NDUFAF8: variants seen among roughly 807,000 people sequenced by gnomAD.
The protein encoded by NDUFAF8 is NADH:ubiquinone oxidoreductase complex assembly factor 8.
In NDUFAF8, 9 loss-of-function variants were observed where a neutral mutation model predicts 9.9. That is an observed-to-expected ratio of 0.91 (90% CI 0.55 to 1.59). The LOEUF (loss-of-function observed/expected upper bound fraction) is 1.59. NDUFAF8 is among the 40% of genes most tolerant of loss of function. The probability of loss-of-function intolerance (pLI) is 0.00; values close to 1 mark genes in which losing one functional copy is unlikely to be tolerated. For synonymous variants in NDUFAF8, 63 were observed against 51.2 expected, an observed-to-expected ratio of 1.23 and a Z score of -0.98; for missense variants, 114 against 113.8, an observed-to-expected ratio of 1.00 and a Z score of -0.01.
intron 2 of NDUFAF8, among the ~76,000 whole-genome samples, chr17:81,240,773 T>C (rs1378607867): frequency 1.3e-5 from 2 of 151,898 alleles, no homozygotes; most frequent in Non-Finnish European, 2.9e-5. Context: ...GTGAGTTCTG[T>C]GATAGTGTCA....
chr17:81,239,916 G>T, intron 2 of NDUFAF8: 1 of 586,774 alleles, frequency 1.7e-6, no homozygotes. Context: ...GATGGGAGAT[G>T]TGTGCAAAAA....
chr17:81,240,779 T>C (rs1440585289), intron 2 of NDUFAF8, among the ~76,000 whole-genome samples: 2 of 151,856 alleles, frequency 1.3e-5, no homozygotes, highest in Non-Finnish European at 2.9e-5. Context: ...TCTGTGATAG[T>C]GTCATGAGGC....
chr17:81,239,786 C>G (rs1420740929), intron 2 of NDUFAF8, 108 bp downstream of exon 2: 17 of 1,220,248 alleles, frequency 1.4e-5, no homozygotes, highest in Non-Finnish European at 1.8e-5. Flanking sequence ...GAGCGCCTGC[C>G]GCGTGCTTTA....
rs2146862098 is a variant in NDUFAF8 at position 81,239,802 on chromosome 17, C to G, written c.195+124C>G. On this transcript the variant is annotated intron_variant, in intron 2 of 2. Coordinates refer to ENST00000431388, the MANE Select transcript of NDUFAF8 (RefSeq NM_001086521.2). The stretch of plus-strand genomic sequence containing the variant: ...AGCGCCTGCCGCGTGCTTTAGACGC[C>G]GGCTGACAAAATCACCGAGCCATCG... The G allele has an allele frequency of 3.8e-6, 4 of 1,065,412 alleles. No homozygotes were observed. The South Asian group carries it at 4.6e-5, about 12-fold the overall frequency. The allele number at this position is 1,065,412 out of a possible 1,614,324, so 66.0% of individuals were successfully genotyped here.
At position 81,239,375 on chromosome 17, in the gene NDUFAF8, C is replaced by A; in HGVS notation, c.12C>A (p.Asn4Lys). ...GGGAATAGCCGCTCATGTCGGCTAA[C>A]GGAGCGGTGTGGGGCCGCGTGCGAA... is the stretch of plus-strand genomic sequence containing the variant. MSA[N>K]GAVWGRVRSR... The change falls in exon 1 of 3, where the codon AAC (asparagine) becomes AAA (lysine). Residue 4 changes from asparagine (N) to lysine (K), a missense_variant. By Grantham distance (94) the Asn-to-Lys change is moderately conservative. Transcript: ENST00000431388. The A allele has an allele frequency of 1.5e-6, 2 of 1,365,488 alleles. No individual in the cohort carries two copies. The highest frequency in any genetic ancestry group is 1.9e-6 in the Non-Finnish European group (2 of 1,058,548). 84.6% of individuals were successfully genotyped at this position (1,365,488 alleles called of 1,614,324 possible).
At position 81,239,618 on chromosome 17, in the gene NDUFAF8, C is replaced by T; in HGVS notation, c.135C>T (p.Arg45=). The T allele has an allele frequency of 6.5e-7, 1 of 1,539,854 alleles. No homozygotes were observed. Residue 45 remains arginine (R), a synonymous_variant, in exon 2 of 3, where the codon CGC becomes CGT. Transcript: ENST00000431388. The part of the protein sequence containing the change: ...CVQASTAPGG[R]LSKDFCAREF... ...AGGCCTCCACGGCCCCGGGCGGCCGCCTGAGTAAGGACTTCTGCGCGCGGG... is the reference window on the plus strand; with the variant it reads ...AGGCCTCCACGGCCCCGGGCGGCCGTCTGAGTAAGGACTTCTGCGCGCGGG...
rs767893800 is a variant in NDUFAF8, at chr17:81,239,435, C to T, written c.72C>T (p.Ala24=). The part of the protein sequence containing the change: ...RLRAFPERLA[A]CGAEAAAYGR... ...GCGCCTTCCCCGAGCGGCTGGCCGCCTGCGGGGCCGAGGTGAGGAGCCGCG... is the reference window on the plus strand; with the variant it reads ...GCGCCTTCCCCGAGCGGCTGGCCGCTTGCGGGGCCGAGGTGAGGAGCCGCG... The change falls in exon 1 of 3, where the codon GCC becomes GCT. Residue 24 remains alanine (A), a synonymous_variant. Coordinates refer to ENST00000431388, the MANE Select transcript of NDUFAF8 (RefSeq NM_001086521.2). 1,110 of 1,360,956 alleles carry T rather than the reference C, an allele frequency of 8.2e-4. 1 individual carries two copies. The highest frequency in any genetic ancestry group is 9.8e-4 in the Non-Finnish European group (1,032 of 1,057,406). 84.3% of individuals were successfully genotyped at this position (1,360,956 alleles called of 1,614,324 possible).
chr17:81,239,986 A>G, intron 2 of NDUFAF8: 1 of 444,364 alleles, frequency 2.3e-6, no homozygotes, highest in Non-Finnish European at 4.1e-6. Context: ...GTGTCATGCC[A>G]GGATTGACCC....
rs1004497880 is a variant in NDUFAF8 at position 81,239,376 on chromosome 17, G to C, written c.13G>C (p.Gly5Arg). The C allele has an allele frequency of 7.3e-7, 1 of 1,365,406 alleles. No individual in the cohort carries two copies. The highest frequency in any genetic ancestry group is 1.8e-5 in the South Asian group (1 of 54,890). The allele number at this position is 1,365,406 out of a possible 1,614,324, so 84.6% of individuals were successfully genotyped here. Residue 5 changes from glycine (G) to arginine (R), a missense_variant, in exon 1 of 3, where the codon GGA becomes CGA. Gly to Arg is a moderately radical substitution (Grantham distance 125). Transcript: ENST00000431388. ...GGAATAGCCGCTCATGTCGGCTAAC[G>C]GAGCGGTGTGGGGCCGCGTGCGAAG... MSAN[G>R]AVWGRVRSRL...
rs1167176020 is a variant in NDUFAF8, at chr17:81,239,630, C to T, written c.147C>T (p.Asp49=). The stretch of plus-strand genomic sequence containing the variant: ...CCCCGGGCGGCCGCCTGAGTAAGGA[C>T]TTCTGCGCGCGGGAGTTCGAGGCCC... ...STAPGGRLSK[D]FCAREFEALR... The change falls in exon 2 of 3, where the codon GAC becomes GAT. Residue 49 remains aspartate (D), a synonymous_variant. Coordinates refer to ENST00000431388, the MANE Select transcript of NDUFAF8 (RefSeq NM_001086521.2). The T allele has an allele frequency of 2.6e-6, 4 of 1,540,506 alleles. No homozygotes were observed. The highest frequency in any genetic ancestry group is 2.4e-5 in the East Asian group (1 of 40,902).
Position 81,239,626 on chromosome 17 carries a change from AG to A in NDUFAF8, c.145del (p.Asp49ThrfsTer56). 6.5e-7 allele frequency: 1 copy of A among 1,540,388 alleles called. No individual in the cohort carries two copies. The highest frequency in any genetic ancestry group is 2.0e-4 in the Middle Eastern group (1 of 5,106). Reference protein sequence around the residue: ...ASTAPGGRLSKDFCAREFEAL... With the variant: ...ASTAPGGRLSXDFCAREFEAL... ...ACGGCCCCGGGCGGCCGCCTGAGTA[AG>A]GACTTCTGCGCGCGGGAGTTCGAGG... On this transcript the variant is annotated frameshift_variant, in exon 2 of 3. Transcript: ENST00000431388. LOFTEE classifies it high-confidence loss of function.
At position 81,241,257 on chromosome 17, in the gene NDUFAF8, G is replaced by A. The variant is rs2062815466; in HGVS notation, c.*241G>A. The stretch of plus-strand genomic sequence containing the variant: ...TAGAATAAGATGTAACGGAAGCCAC[G>A]ATAAAGACTCGGTCAAATCCTGCAG... On this transcript the variant is annotated 3_prime_UTR_variant, in exon 3 of 3. Transcript: ENST00000431388. 7 of 1,215,830 alleles carry A rather than the reference G, an allele frequency of 5.8e-6. No homozygotes were observed. The South Asian group carries it at 8.5e-5, about 15-fold the overall frequency. The allele number at this position is 1,215,830 out of a possible 1,614,324, so 75.3% of individuals were successfully genotyped here. A position where few individuals can be genotyped will look rare whatever the true frequency, so the allele number is the denominator to read the frequency against.
At chr17:81,240,031 C>T (rs2062799653) in intron 2 of NDUFAF8, 1 of 327,512 alleles carries the variant, frequency 3.1e-6, no homozygotes, top group Admixed American at 4.9e-5. Flanking sequence ...CAGCACCTTC[C>T]GGGTCTTCAC....
chr17:81,239,385 T>G lies in NDUFAF8; in HGVS notation c.22T>G (p.Trp8Gly). 1 of 1,370,012 alleles carries G rather than the reference T, an allele frequency of 7.3e-7. No homozygotes were observed. Among genetic ancestry groups the G allele is most frequent in the Non-Finnish European group, 9.4e-7 (1 of 1,061,084 alleles). The allele number at this position is 1,370,012 out of a possible 1,614,324, so 84.9% of individuals were successfully genotyped here. Residue 8 changes from tryptophan (W) to glycine (G), a missense_variant, in exon 1 of 3, where the codon TGG becomes GGG. Transcript: ENST00000431388. MSANGAVWGRVRSRLRAF... is the reference protein window; with the variant it reads MSANGAVGGRVRSRLRAF... ...GCTCATGTCGGCTAACGGAGCGGTGTGGGGCCGCGTGCGAAGCCGCCTCCG... is the reference window on the plus strand; with the variant it reads ...GCTCATGTCGGCTAACGGAGCGGTGGGGGGCCGCGTGCGAAGCCGCCTCCG...
Position 81,239,430 on chromosome 17 carries a change from G to A in NDUFAF8, c.67G>A (p.Ala23Thr). The change falls in exon 1 of 3, where the codon GCC (alanine) becomes ACC (threonine). Residue 23 changes from alanine to threonine, a missense_variant. Transcript: ENST00000431388. Reference protein sequence around the residue: ...SRLRAFPERLAACGAEAAAYG... With the variant: ...SRLRAFPERLTACGAEAAAYG... ...CCTCCGCGCCTTCCCCGAGCGGCTGGCCGCCTGCGGGGCCGAGGTGAGGAG... is the reference window on the plus strand; with the variant it reads ...CCTCCGCGCCTTCCCCGAGCGGCTGACCGCCTGCGGGGCCGAGGTGAGGAG... The A allele has an allele frequency of 1.5e-6, 2 of 1,361,048 alleles. No homozygotes were observed. The highest frequency in any genetic ancestry group is 9.5e-7 in the Non-Finnish European group (1 of 1,057,194). 84.3% of individuals were successfully genotyped at this position (1,361,048 alleles called of 1,614,324 possible). A position where few individuals can be genotyped will look rare whatever the true frequency, so the allele number is the denominator to read the frequency against.
rs1195736852 is a variant in NDUFAF8 at position 81,239,543 on chromosome 17, C to A, written c.85-25C>A. Reference sequence around the variant, plus strand: ...ACGGTGACGGGGTCAGGGGACCCCACGACCCACGCCCGTCCTTTCCGCAGG... The same window carrying A: ...ACGGTGACGGGGTCAGGGGACCCCAAGACCCACGCCCGTCCTTTCCGCAGG... On this transcript the variant is annotated intron_variant, in intron 1 of 2. Transcript: ENST00000431388. The A allele has an allele frequency of 2.7e-6, 4 of 1,499,742 alleles. No homozygotes were observed. In the East Asian group the frequency reaches 1.1e-4, roughly 40 times the overall value. The allele number at this position is 1,499,742 out of a possible 1,614,324, so 92.9% of individuals were successfully genotyped here. A position where few individuals can be genotyped will look rare whatever the true frequency, so the allele number is the denominator to read the frequency against.
At position 81,239,884 on chromosome 17, in the gene NDUFAF8, G is replaced by A. The variant is rs1424704693; in HGVS notation, c.195+206G>A. On this transcript the variant is annotated intron_variant, in intron 2 of 2. Coordinates refer to ENST00000431388, the MANE Select transcript of NDUFAF8 (RefSeq NM_001086521.2). ...TTGTCCCTGCATGTTTGTAAAGCGGGACTGGCACCAACCTCAGAAAGGATG... is the reference window on the plus strand; with the variant it reads ...TTGTCCCTGCATGTTTGTAAAGCGGAACTGGCACCAACCTCAGAAAGGATG... 19 of 624,658 alleles carry A rather than the reference G, an allele frequency of 3.0e-5. No homozygotes were observed. In the South Asian group the frequency reaches 3.1e-4, roughly 10 times the overall value. The allele number at this position is 624,658 out of a possible 1,614,324, so 38.7% of individuals were successfully genotyped here.
intron 2 of NDUFAF8, 102 bp downstream of exon 2, chr17:81,239,780 G>C: frequency 8.0e-7 from 1 of 1,251,694 alleles, no homozygotes; most frequent in Non-Finnish European, 1.1e-6. Context: ...AGGTTTGAGC[G>C]CCTGCCGCGT....
rs1319267686 is a variant in NDUFAF8, at chr17:81,239,691, G to A, written c.195+13G>A. ...CTTCGCCGCTGCGGTAGGTGGGCGC[G>A]GGCCCCTTCCCCCCTTCCCAGCCCT... On this transcript the variant is annotated intron_variant, in intron 2 of 2. Transcript: ENST00000431388. The A allele has an allele frequency of 4.3e-5, 66 of 1,535,902 alleles. No homozygotes were observed. The highest frequency in any genetic ancestry group is 5.7e-5 in the Non-Finnish European group (65 of 1,145,404).
Sources: allele counts gnomAD v4.1 joint callset (sites outside exome capture counted in the v4.1 genomes callset), GRCh38; gene constraint gnomAD v4.1.1; transcripts MANE v1.5; gene names NCBI Gene and HGNC (gene_info 2026-07-23, HGNC 2026-07-21).